KHDRBS1: variants seen among roughly 807,000 people sequenced by gnomAD.
KHDRBS1 encodes KH domain-containing, RNA-binding, signal transduction-associated protein 1.
A neutral mutation model predicts 48.4 loss-of-function variants in KHDRBS1; 7 were observed. The observed-to-expected ratio is 0.14, with a 90% CI of 0.08 to 0.27. The LOEUF (loss-of-function observed/expected upper bound fraction) is 0.27, where lower values mean the gene tolerates loss of function less well. KHDRBS1 is among the 10% of genes least tolerant of loss of function. The probability of loss-of-function intolerance (pLI) is 1.00; values close to 1 mark genes in which losing one functional copy is unlikely to be tolerated. For missense variants in KHDRBS1, 458 were observed against 601.2 expected, an observed-to-expected ratio of 0.76 and a Z score of 2.49; for synonymous variants, 241 against 235.8, an observed-to-expected ratio of 1.02 and a Z score of -0.20.
downstream of KHDRBS1, among the ~76,000 whole-genome samples, chr1:32,047,903 G>A (rs1193008677): frequency 6.6e-6 from 1 of 152,008 alleles, no homozygotes; most frequent in Non-Finnish European, 1.5e-5. Flanking sequence ...CTTTCTGTGG[G>A]TTTGCCTATT....
chr1:32,016,205 AAAG>A (rs1348317498), intron 1 of KHDRBS1, among the ~76,000 whole-genome samples: 5 of 152,036 alleles, frequency 3.3e-5, no homozygotes, highest in Non-Finnish European at 7.4e-5. Flanking sequence ...AAAAAAAAGA[AAAG>A]AACACACGGA....
In KHDRBS1 at chr1:32,014,124, G is replaced by A. The variant is rs996023411; in HGVS notation, c.129G>A (p.Arg43=). Residue 43 remains arginine, a synonymous_variant, in exon 1 of 9, where the codon CGG becomes CGA. Coordinates refer to ENST00000327300, the MANE Select transcript of KHDRBS1 (RefSeq NM_006559.3). ...CTCGGCAGCCGCCGCTGCCTCACCG[G>A]TCCCGGGGAGGCGGAGGGGGATCCC... is the stretch of plus-strand genomic sequence containing the variant. ...TPSRQPPLPH[R]SRGGGGGSRG... 1.2e-5 allele frequency: 17 copies of A among 1,376,522 alleles called. No homozygotes were observed. Among genetic ancestry groups the A allele is most frequent in the Admixed American group, 3.5e-5 (1 of 28,382 alleles). 85.3% of individuals were successfully genotyped at this position (1,376,522 alleles called of 1,614,324 possible).
intron 2 of KHDRBS1, among the ~76,000 whole-genome samples, chr1:32,031,132 A>C (rs983788896): frequency 9.2e-5 from 14 of 152,152 alleles, no homozygotes; most frequent in Non-Finnish European, 1.6e-4. Context: ...ACCTGTACCC[A>C]GCTACTCTGG....
At chr1:32,021,959 C>CTTTT (rs1298804437) in intron 1 of KHDRBS1, among the ~76,000 whole-genome samples, 1 of 131,742 alleles carries the variant, frequency 7.6e-6, no homozygotes. Flanking sequence ...CGGCACATTT[C>CTTTT]TTTTTTTTTT....
At chr1:32,048,085 G>C (rs1639376911), downstream of KHDRBS1, among the ~76,000 whole-genome samples, 1 of 152,172 alleles carries the variant, frequency 6.6e-6, no homozygotes, top group South Asian at 2.1e-4. Flanking sequence ...ATGGCTCTAA[G>C]TATTTTATCT....
At chr1:32,060,806 C>T (rs979588957) in exon 11 of KHDRBS1, 4 of 152,188 alleles carry the variant, frequency 2.6e-5, no homozygotes, top group Non-Finnish European at 1.5e-5. Flanking sequence ...TTCTCCCCAA[C>T]AAATATCTGC....
chr1:32,047,423 T>G (rs1639370108), downstream of KHDRBS1, among the ~76,000 whole-genome samples: 1 of 152,174 alleles, frequency 6.6e-6, no homozygotes, highest in African/African-American at 2.4e-5. Flanking sequence ...CCTCCCAAAG[T>G]GCTAGGATCA....
At chr1:32,041,450 C>G (rs1004317524) in intron 8 of KHDRBS1, among the ~76,000 whole-genome samples, 1 of 152,130 alleles carries the variant, frequency 6.6e-6, no homozygotes, top group African/African-American at 2.4e-5. Flanking sequence ...AAGAGGTCAC[C>G]TCTAGAATTA....
At position 32,037,039 on chromosome 1, in the gene KHDRBS1, CCCAGGTAAAAATAA is replaced by C. The variant is rs1402121176; in HGVS notation, c.902_905+10del. 6.2e-7 allele frequency: 1 copy of C among 1,612,906 alleles called. No homozygotes were observed. Among genetic ancestry groups the C allele is most frequent in the African/African-American group, 1.3e-5 (1 of 74,806 alleles). ...AGCTGCACCTCCTCCACCACCTGTT[CCCAGGTAAAAATAA>C]TGGAGACACCCAGAAATAGGATGTG... On this transcript the variant is annotated splice_donor_variant and splice_donor_5th_base_variant and coding_sequence_variant and intron_variant, in exon 5 of 9. Coordinates refer to ENST00000327300, the MANE Select transcript of KHDRBS1 (RefSeq NM_006559.3). LOFTEE classifies it high-confidence loss of function.
rs1460709358 is a variant in KHDRBS1 at position 32,039,604 on chromosome 1, T to C, written c.1234+31T>C. The C allele has an allele frequency of 2.6e-6, 3 of 1,160,796 alleles. No individual in the cohort carries two copies. In the South Asian group the frequency reaches 3.7e-5, roughly 14 times the overall value. The allele number at this position is 1,160,796 out of a possible 1,614,324, so 71.9% of individuals were successfully genotyped here. The stretch of plus-strand genomic sequence containing the variant: ...TCTTTATCTCTGTGGTGGGGCAGAA[T>C]GTACAAGTAAGTGCCTGGGAGAATG... On this transcript the variant is annotated intron_variant, in intron 8 of 8. Transcript: ENST00000327300.
chr1:32,032,281 C>T (rs1471194951), intron 3 of KHDRBS1, among the ~76,000 whole-genome samples: 1 of 152,228 alleles, frequency 6.6e-6, no homozygotes, highest in Non-Finnish European at 1.5e-5. Context: ...ATTCCTGCTA[C>T]AGTCCAAAAA....
chr1:32,025,156 C>T (rs892505685), intron 1 of KHDRBS1, among the ~76,000 whole-genome samples: 5 of 151,496 alleles, frequency 3.3e-5, no homozygotes, highest in Admixed American at 6.6e-5. Context: ...GTTGCACCTA[C>T]TGGGGGTGCT....
intron 5 of KHDRBS1, among the ~76,000 whole-genome samples, chr1:32,037,375 C>T (rs1411827348): frequency 1.3e-5 from 2 of 150,884 alleles, no homozygotes; most frequent in Non-Finnish European, 2.9e-5. Flanking sequence ...ACCCAGGAGA[C>T]GGAAGTTGCA....
In KHDRBS1 at chr1:32,014,056, A is replaced by C. The variant is rs1236791973; in HGVS notation, c.61A>C (p.Met21Leu). The change falls in exon 1 of 9, where the codon ATG (methionine) becomes CTG (leucine). Residue 21 changes from methionine (M) to leucine (L), a missense_variant. Around this residue, in one of 3 missense-constraint regions of KHDRBS1, gnomAD observed 213 missense variants for 215.6 expected, o/e 0.99. Transcript: ENST00000327300. ...CCGGTCTTCGGGCCGTAGCGGCTCC[A>C]TGGACCCCTCCGGTGCCCACCCCTC... ...MSRSSGRSGS[M>L]DPSGAHPSVR... The C allele has an allele frequency of 4.0e-6, 6 of 1,511,760 alleles. 1 individual carries two copies. Among genetic ancestry groups the C allele is most frequent in the Non-Finnish European group, 5.3e-6 (6 of 1,140,602 alleles). The allele number at this position is 1,511,760 out of a possible 1,614,324, so 93.6% of individuals were successfully genotyped here.
chr1:32,036,322 CCG>C (rs1160164199), intron 4 of KHDRBS1, among the ~76,000 whole-genome samples: 1 of 151,888 alleles, frequency 6.6e-6, no homozygotes, highest in Non-Finnish European at 1.5e-5. Flanking sequence ...CAGGTGCCTG[CCG>C]CGCCCGGCTA....
rs1177652230 is a variant in KHDRBS1 at position 32,013,869 on chromosome 1, T to C, written c.-127T>C. ...GCGCCGCCTCATTTCCGGTGCTCTCTCTCGCTGGGTCGCTCGGGTCGGCTT... is the reference window on the plus strand; with the variant it reads ...GCGCCGCCTCATTTCCGGTGCTCTCCCTCGCTGGGTCGCTCGGGTCGGCTT... On this transcript the variant is annotated 5_prime_UTR_variant, in exon 1 of 9. Transcript: ENST00000327300. 3.3e-6 allele frequency: 3 copies of C among 912,936 alleles called. No individual in the cohort carries two copies. The highest frequency in any genetic ancestry group is 3.3e-5 in the East Asian group (1 of 30,098). The allele number at this position is 912,936 out of a possible 1,614,324, so 56.6% of individuals were successfully genotyped here.
At chr1:32,049,388 G>A (rs951742347) in intron 10 of KHDRBS1, among the ~76,000 whole-genome samples, 7 of 151,122 alleles carry the variant, frequency 4.6e-5, no homozygotes, top group Non-Finnish European at 8.8e-5. Context: ...TGTTTTCAAG[G>A]TTCATCCATG....
intron 7 of KHDRBS1, 106 bp downstream of exon 7, chr1:32,038,725 G>A (rs1055614980): frequency 9.3e-6 from 10 of 1,076,130 alleles, no homozygotes; most frequent in South Asian, 6.7e-5. Flanking sequence ...AGAATGGTTC[G>A]CCTTTTGAGG....
intron 1 of KHDRBS1, among the ~76,000 whole-genome samples, chr1:32,014,873 T>G (rs569083542): frequency 5.3e-4 from 80 of 152,296 alleles, no homozygotes; most frequent in African/African-American, 1.9e-3. Flanking sequence ...GTCCAGTGCC[T>G]TGCTGTCGCT....
Sources: allele counts gnomAD v4.1 joint callset (sites outside exome capture counted in the v4.1 genomes callset), GRCh38; gene constraint gnomAD v4.1.1; regional missense constraint gnomAD v4.1.1; transcripts MANE v1.5; gene names NCBI Gene and HGNC (gene_info 2026-07-23, HGNC 2026-07-21).